Variants in KANK1 observed in about 807,000 individuals in gnomAD.
KANK1 encodes the protein KN motif and ankyrin repeat domain-containing protein 1.
Under a neutral mutation model 106.2 loss-of-function variants are expected in KANK1, and 109 were observed. That is an observed-to-expected ratio of 1.03 (90% confidence interval 0.88 to 1.20). The LOEUF is 1.20. KANK1 is among the 50% of genes most tolerant of loss of function. KANK1 has a pLI of 0.00. For synonymous variants in KANK1, 873 were observed against 652.2 expected, an observed-to-expected ratio of 1.34 and a Z score of -5.16; for missense variants, 2,399 against 1,710.7, an observed-to-expected ratio of 1.40 and a Z score of -7.10.
chr9:710,628 AAC>A lies in KANK1; in HGVS notation c.38-174_38-173del, dbSNP rs1491461586. ...AATGACCTGTCTCAAAAAAAAAAAA[AAC>A]AAAAAAAAACAAAAAAAACTTGCTT... On this transcript the variant is annotated intron_variant, in intron 2 of 11. Transcript: ENST00000382297. Among the ~76,000 whole-genome samples the A allele has an allele frequency of 4.4e-5, 4 of 91,688 alleles. 2 individuals carry two copies. Among genetic ancestry groups the A allele is most frequent in the Non-Finnish European group, 1.0e-4 (4 of 40,178 alleles). The allele number at this position is 91,688 out of a possible 152,430, so 60.2% of individuals were successfully genotyped here.
At chr9:617,977 C>T (rs1034208091) in intron 1 of KANK1, among the ~76,000 whole-genome samples, 1 of 152,162 alleles carries the variant, frequency 6.6e-6, no homozygotes, top group African/African-American at 2.4e-5. Flanking sequence ...GGATGCCACA[C>T]TTACTGTGGG....
chr9:599,250 T>G (rs1430437953), intron 1 of KANK1, among the ~76,000 whole-genome samples: 1 of 151,506 alleles, frequency 6.6e-6, no homozygotes, highest in Non-Finnish European at 1.5e-5. Flanking sequence ...ACTCCTGACC[T>G]CAGGTGATCT....
chr9:618,707 T>C (rs1442306021), intron 1 of KANK1, among the ~76,000 whole-genome samples: 1 of 152,134 alleles, frequency 6.6e-6, no homozygotes, highest in Non-Finnish European at 1.5e-5. Flanking sequence ...GGCTTGCTTT[T>C]TTTAAAAAAA....
intron 3 of KANK1, among the ~76,000 whole-genome samples, chr9:729,507 AG>A (rs1181919969): frequency 6.6e-6 from 1 of 152,248 alleles, no homozygotes; most frequent in Non-Finnish European, 1.5e-5. Context: ...ATCTCTATAC[AG>A]CGAGTCCTGG....
chr9:721,617 G>C (rs535759847), intron 3 of KANK1, among the ~76,000 whole-genome samples: 1 of 152,264 alleles, frequency 6.6e-6, no homozygotes, highest in East Asian at 1.9e-4. Context: ...CTCCAGCTTT[G>C]TCCACTTTTT....
chr9:599,014 A>G (rs1563834519), intron 1 of KANK1, among the ~76,000 whole-genome samples: 3 of 135,200 alleles, frequency 2.2e-5, no homozygotes, highest in African/African-American at 5.4e-5. Context: ...TGTATTTATT[A>G]TTATTATTTT....
intron 1 of KANK1, among the ~76,000 whole-genome samples, chr9:513,345 CT>C (rs1296356140): frequency 1.3e-5 from 2 of 150,996 alleles, no homozygotes; most frequent in Non-Finnish European, 3.0e-5. Flanking sequence ...TGCTCTCTTG[CT>C]TTTTTCATTA....
At chr9:568,586 C>G (rs530963901) in intron 1 of KANK1, among the ~76,000 whole-genome samples, 12 of 152,242 alleles carry the variant, frequency 7.9e-5, no homozygotes, top group African/African-American at 2.9e-4. Flanking sequence ...AACTCCTGGG[C>G]TCAAGCTATC....
chr9:683,653 C>T (rs977393510), intron 2 of KANK1, among the ~76,000 whole-genome samples: 1 of 152,182 alleles, frequency 6.6e-6, no homozygotes, highest in East Asian at 1.9e-4. Flanking sequence ...CTGCATAAAA[C>T]CCTAAAGTAC....
At chr9:705,701 C>T (rs1416456405) in intron 2 of KANK1, among the ~76,000 whole-genome samples, 4 of 151,412 alleles carry the variant, frequency 2.6e-5, no homozygotes, top group Non-Finnish European at 5.9e-5. Context: ...CAGGTTCAAG[C>T]GATTCTCCTG....
At chr9:499,189 A>AG in intron 3 of KANK1, among the ~76,000 whole-genome samples, 1 of 152,222 alleles carries the variant, frequency 6.6e-6, no homozygotes, top group East Asian at 1.9e-4. Context: ...AAAAAAAAAA[A>AG]AAAGTTAAAC....
chr9:616,867 A>T (rs1159156242), intron 1 of KANK1, among the ~76,000 whole-genome samples: 1 of 152,190 alleles, frequency 6.6e-6, no homozygotes, highest in African/African-American at 2.4e-5. Flanking sequence ...TTCTTCCTGG[A>T]AGTGAGACAT....
chr9:645,275 T>C (rs770500911), intron 1 of KANK1, among the ~76,000 whole-genome samples: 19 of 149,060 alleles, frequency 1.3e-4, no homozygotes, highest in Non-Finnish European at 4.4e-5. Context: ...ACCCCGTCTA[T>C]ACAAAACTAC....
At chr9:556,314 G>A (rs10975127) in intron 1 of KANK1, among the ~76,000 whole-genome samples, 6 of 152,094 alleles carry the variant, frequency 3.9e-5, no homozygotes, top group Non-Finnish European at 8.8e-5. Context: ...TGTATCTGAT[G>A]CAGTTAGAAG....
chr9:595,607 C>T (rs919899770), intron 1 of KANK1, among the ~76,000 whole-genome samples: 1 of 151,794 alleles, frequency 6.6e-6, no homozygotes, highest in African/African-American at 2.4e-5. Flanking sequence ...CTTACTGAAG[C>T]CTCAAATTCC....
intron 1 of KANK1, among the ~76,000 whole-genome samples, chr9:611,354 G>C (rs945363361): frequency 6.6e-6 from 1 of 152,196 alleles, no homozygotes; most frequent in South Asian, 2.1e-4. Context: ...TGTAAGCTTG[G>C]ATGACTACAC....
chr9:546,674 C>T (rs1221366300), intron 1 of KANK1, among the ~76,000 whole-genome samples: 1 of 151,890 alleles, frequency 6.6e-6, no homozygotes, highest in African/African-American at 2.4e-5. Flanking sequence ...CCCCCACTCC[C>T]CCAAGCAGTA....
intron 9 of KANK1, among the ~76,000 whole-genome samples, chr9:741,379 G>C (rs949417867): frequency 6.6e-6 from 1 of 151,662 alleles, no homozygotes; most frequent in Non-Finnish European, 1.5e-5. Context: ...GAGTGCAGTG[G>C]CGGGATCTTG....
intron 1 of KANK1, among the ~76,000 whole-genome samples, chr9:646,815 A>G (rs1000221498): frequency 1.3e-5 from 2 of 150,046 alleles, no homozygotes; most frequent in Non-Finnish European, 2.9e-5. Flanking sequence ...CAGTCTCCCA[A>G]GCAGCTGGGA....
Sources: allele counts gnomAD v4.1 joint callset (sites outside exome capture counted in the v4.1 genomes callset), GRCh38; gene constraint gnomAD v4.1.1; transcripts MANE v1.5; gene names NCBI Gene and HGNC (gene_info 2026-07-23, HGNC 2026-07-21).